The following SDCCAG8 variants were observed in gnomAD, a reference collection of about 807,000 sequenced individuals.
SDCCAG8 encodes SHH signaling and ciliogenesis regulator SDCCAG8.
Under a neutral mutation model 101.8 loss-of-function variants are expected in SDCCAG8, and 74 were observed. That is an observed-to-expected ratio of 0.73 (90% CI 0.60 to 0.88). The LOEUF is 0.88. Among genes scored for constraint, SDCCAG8 ranks in the 40% least tolerant of loss-of-function variants. The pLI is 0.00. For missense variants in SDCCAG8, 787 were observed against 822.6 expected (o/e 0.96, Z 0.53); for synonymous variants, 281 against 292.9 (o/e 0.96, Z 0.41).
intron 16 of SDCCAG8, among the ~76,000 whole-genome samples, chr1:243,473,338 GCCA>G (rs1558516471): frequency 6.6e-6 from 1 of 151,822 alleles, no homozygotes; most frequent in Non-Finnish European, 1.5e-5. Context: ...TCTCTTTCCC[GCCA>G]CCATCACATC....
chr1:243,301,505 A>G (rs1039089446), intron 6 of SDCCAG8, among the ~76,000 whole-genome samples: 2 of 152,340 alleles, frequency 1.3e-5, no homozygotes, highest in South Asian at 2.1e-4. Context: ...ATTGCTTGAT[A>G]TGTTCCATAG....
intron 12 of SDCCAG8, among the ~76,000 whole-genome samples, chr1:243,350,470 G>A (rs1447357217): frequency 6.6e-6 from 1 of 151,958 alleles, no homozygotes; most frequent in African/African-American, 2.4e-5. Context: ...CACCTGCCTC[G>A]GCCTCCCAAA....
chr1:243,489,939 A>G (rs1253780535), intron 17 of SDCCAG8, among the ~76,000 whole-genome samples: 1 of 152,176 alleles, frequency 6.6e-6, no homozygotes, highest in Non-Finnish European at 1.5e-5. Context: ...CCTGTCAGAG[A>G]GGCTGTGCAT....
At chr1:243,476,938 AC>A (rs1260783415) in intron 16 of SDCCAG8, among the ~76,000 whole-genome samples, 1 of 152,134 alleles carries the variant, frequency 6.6e-6, no homozygotes, top group Non-Finnish European at 1.5e-5. Flanking sequence ...TAGGAAATAC[AC>A]ACTGTAGCAT....
At chr1:243,330,821 A>G in intron 10 of SDCCAG8, 129 bp downstream of exon 10, 2 of 812,348 alleles carry the variant, frequency 2.5e-6, no homozygotes, top group Non-Finnish European at 4.0e-6. Context: ...AAGTAGTTAA[A>G]TTTCGTATAA....
chr1:243,330,774 C>T, intron 10 of SDCCAG8, 82 bp downstream of exon 10: 1 of 1,343,050 alleles, frequency 7.4e-7, no homozygotes, highest in Non-Finnish European at 1.1e-6. Context: ...GGCTGGAGTT[C>T]TTGAATGAAC....
chr1:243,392,412 A>G (rs1295508939), intron 13 of SDCCAG8, among the ~76,000 whole-genome samples: 7 of 152,194 alleles, frequency 4.6e-5, no homozygotes, highest in Non-Finnish European at 1.0e-4. Context: ...TTGTCAAAAC[A>G]ATATCTAATG....
chr1:243,297,267 G>A (rs1007489846), intron 6 of SDCCAG8, among the ~76,000 whole-genome samples: 11 of 152,164 alleles, frequency 7.2e-5, no homozygotes, highest in African/African-American at 2.7e-4. Context: ...TACATTGGCC[G>A]AAGTTTGTTC....
chr1:243,354,600 A>G (rs2076281965), intron 12 of SDCCAG8, among the ~76,000 whole-genome samples: 1 of 152,232 alleles, frequency 6.6e-6, no homozygotes, highest in African/African-American at 2.4e-5. Flanking sequence ...AAGACCTGTG[A>G]AAGTAAATCT....
At chr1:243,484,309 G>T (rs1664347790) in intron 16 of SDCCAG8, among the ~76,000 whole-genome samples, 1 of 152,252 alleles carries the variant, frequency 6.6e-6, no homozygotes, top group Non-Finnish European at 1.5e-5. Flanking sequence ...GGCCTTTGCA[G>T]TGCGGCCCCG....
chr1:243,367,831 CTT>C (rs927698477), intron 12 of SDCCAG8, among the ~76,000 whole-genome samples: 11 of 150,504 alleles, frequency 7.3e-5, no homozygotes, highest in African/African-American at 2.7e-4. Context: ...TAAAATTAGT[CTT>C]ATATATTAAC....
chr1:243,412,457 A>G (rs1049548148), intron 13 of SDCCAG8, among the ~76,000 whole-genome samples: 2 of 152,226 alleles, frequency 1.3e-5, no homozygotes, highest in African/African-American at 4.8e-5. Context: ...GCCGCATTCA[A>G]AACCATCCAG....
chr1:243,301,093 A>C (rs555297069), intron 6 of SDCCAG8, among the ~76,000 whole-genome samples: 1 of 152,350 alleles, frequency 6.6e-6, no homozygotes, highest in Non-Finnish European at 1.5e-5. Flanking sequence ...ACTTATGTAC[A>C]CTATCACAGA....
intron 13 of SDCCAG8, among the ~76,000 whole-genome samples, chr1:243,392,458 T>C (rs1480274415): frequency 1.3e-5 from 2 of 152,250 alleles, no homozygotes; most frequent in East Asian, 3.8e-4. Flanking sequence ...CTGTAAGTTC[T>C]GCTTTGTTAC....
chr1:243,267,780 C>G (rs528378746), intron 1 of SDCCAG8: 7 of 812,062 alleles, frequency 8.6e-6, no homozygotes, highest in South Asian at 8.0e-5. Flanking sequence ...TACTTCTGCC[C>G]CAATTTCTCA....
intron 13 of SDCCAG8, among the ~76,000 whole-genome samples, chr1:243,385,955 G>A (rs2078259723): frequency 6.6e-6 from 1 of 152,188 alleles, no homozygotes; most frequent in African/African-American, 2.4e-5. Flanking sequence ...GGCAACAAGA[G>A]TGAAGCTCCA....
rs762472937 is a variant in SDCCAG8, at chr1:243,316,810, ACG to A, written c.987_988del (p.Gln330AlafsTer8). On this transcript the variant is annotated frameshift_variant, in exon 9 of 18. Transcript: ENST00000366541. LOFTEE classifies it high-confidence loss of function. ...LVSVRSSLADTQQREASAYEQ... is the reference protein window; with the variant it reads ...LVSVRSSLADXQQREASAYEQ... ...TTCCGTAAGGAGCAGCTTGGCAGATACGCAGCAAAGAGAAGCAAGTGCTTATG... is the reference window on the plus strand; with the variant it reads ...TTCCGTAAGGAGCAGCTTGGCAGATACAGCAAAGAGAAGCAAGTGCTTATG... The A allele has an allele frequency of 6.2e-7, 1 of 1,614,226 alleles. No homozygotes were observed. Among genetic ancestry groups the A allele is most frequent in the Admixed American group, 1.7e-5 (1 of 60,034 alleles).
rs543173069 is a variant in SDCCAG8 at position 243,478,322 on chromosome 1, G to A, written c.1986-10692G>A. Among the ~76,000 whole-genome samples, 6 of 152,314 alleles carry A rather than the reference G, an allele frequency of 3.9e-5. No homozygotes were observed. In the South Asian group the frequency reaches 1.2e-3, roughly 32 times the overall value. On this transcript the variant is annotated intron_variant, in intron 16 of 17. Transcript: ENST00000366541. The stretch of plus-strand genomic sequence containing the variant: ...TACTACAGACAGGCTGCCTGACCTT[G>A]GGCAAGTCACTTATACTTTCTTGGC...
At chr1:243,313,724 A>G (rs2072977609) in intron 8 of SDCCAG8, among the ~76,000 whole-genome samples, 1 of 152,196 alleles carries the variant, frequency 6.6e-6, no homozygotes, top group Non-Finnish European at 1.5e-5. Context: ...TTGATATGCC[A>G]CATGTGTCTG....
Sources: gnomAD v4.1 joint callset for allele counts (sites outside exome capture counted in the v4.1 genomes callset) on GRCh38, gnomAD v4.1.1 for gene constraint, MANE v1.5 for transcripts, NCBI Gene and HGNC (gene_info 2026-07-23, HGNC 2026-07-21) for gene names.